FCRL6: variants seen among roughly 807,000 people sequenced by gnomAD.
The protein encoded by FCRL6 is Fc receptor like 6, also known as Fc receptor-like protein 6.
In FCRL6, 50 loss-of-function variants were observed where a neutral mutation model predicts 49.1. That is an observed-to-expected ratio of 1.02 (90% CI 0.81 to 1.29). The LOEUF (loss-of-function observed/expected upper bound fraction) is 1.29, where lower values mean the gene tolerates loss of function less well. Ranked by LOEUF, FCRL6 falls within the 50% of genes most tolerant of loss-of-function variation. FCRL6 has a pLI of 0.00. For missense variants in FCRL6, 571 were observed against 518.5 expected, an observed-to-expected ratio of 1.10 and a Z score of -0.98; for synonymous variants, 213 against 199.6, an observed-to-expected ratio of 1.07 and a Z score of -0.57.
chr1:159,809,459 G>A lies in FCRL6; in HGVS notation c.662G>A (p.Gly221Glu), dbSNP rs774886413. The A allele has an allele frequency of 2.4e-5, 38 of 1,613,922 alleles. No individual in the cohort carries two copies. Among genetic ancestry groups the A allele is most frequent in the Non-Finnish European group, 3.2e-5 (38 of 1,179,846 alleles). The change falls in exon 5 of 10, where the codon GGG becomes GAG. Residue 221 changes from glycine (G) to glutamate (E), a missense_variant. Transcript: ENST00000368106. ...CACGGGCCTGCTGACCCTGCTGTGG[G>A]GGACATGGTGCAGCTCCTCTGTGAG... is the stretch of plus-strand genomic sequence containing the variant. The part of the protein sequence containing the change: ...LHHGPADPAV[G>E]DMVQLLCEAQ...
rs1436919546 is a variant in FCRL6 at position 159,809,049 on chromosome 1, G to T, written c.408G>T (p.Leu136=). The change falls in exon 4 of 10, where the codon CTG becomes CTT. Residue 136 remains leucine, a synonymous_variant. Transcript: ENST00000368106. The part of the protein sequence containing the change: ...SLVTLRCQTK[L]HPLRSALRLL... Reference sequence around the variant, plus strand: ...TGACCCTGAGATGTCAGACAAAGCTGCACCCCCTGAGGTCAGCCTTGAGGC... The same window carrying T: ...TGACCCTGAGATGTCAGACAAAGCTTCACCCCCTGAGGTCAGCCTTGAGGC... 1.2e-6 allele frequency: 2 copies of T among 1,613,944 alleles called. No individual in the cohort carries two copies. The highest frequency in any genetic ancestry group is 1.7e-5 in the Admixed American group (1 of 59,990).
At chr1:159,814,075 C>A in intron 7 of FCRL6, 146 bp from the exon 8 acceptor site, 1 of 712,700 alleles carries the variant, frequency 1.4e-6, no homozygotes, top group Non-Finnish European at 2.4e-6. Flanking sequence ...GCCATGATGG[C>A]TATCCCCACA....
intron 7 of FCRL6, 132 bp downstream of exon 7, chr1:159,813,686 C>A (rs892305788): frequency 4.0e-5 from 31 of 770,402 alleles, no homozygotes; most frequent in African/African-American, 7.0e-5. Context: ...AAACAAACAG[C>A]TTCTAGAAAG....
chr1:159,804,618 T>C (rs11265282), intron 1 of FCRL6, among the ~76,000 whole-genome samples: 39,518 of 152,150 alleles, frequency 0.26, 6,230 homozygotes, highest in African/African-American at 0.45. Flanking sequence ...TGTTCCCAGT[T>C]GGCTGCTGTT....
At chr1:159,813,437 C>T (rs1350561354) in intron 6 of FCRL6, 52 bp from the exon 7 acceptor site, 2 of 1,508,266 alleles carry the variant, frequency 1.3e-6, no homozygotes, top group African/African-American at 2.7e-5. Flanking sequence ...TGTCCCCTGT[C>T]CCACCTGCCC....
intron 7 of FCRL6, 101 bp downstream of exon 7, chr1:159,813,655 T>C (rs899777032): frequency 1.9e-6 from 2 of 1,030,824 alleles, no homozygotes; most frequent in African/African-American, 1.6e-5. Flanking sequence ...ATCTCAGGAA[T>C]TGGAGTGATC....
At position 159,815,757 on chromosome 1, in the gene FCRL6, T is replaced by C; in HGVS notation, c.*96T>C. 6.7e-7 allele frequency: 1 copy of C among 1,485,674 alleles called. No individual in the cohort carries two copies. The highest frequency in any genetic ancestry group is 2.3e-5 in the East Asian group (1 of 43,822). 92.0% of individuals were successfully genotyped at this position (1,485,674 alleles called of 1,614,324 possible). ...TCAACTCTTTCTGTGGGTCCTTCAGTTCCCAAGCCCAGCATCACAGAGCCC... is the reference window on the plus strand; with the variant it reads ...TCAACTCTTTCTGTGGGTCCTTCAGCTCCCAAGCCCAGCATCACAGAGCCC... On this transcript the variant is annotated 3_prime_UTR_variant, in exon 10 of 10. Coordinates refer to ENST00000368106, the MANE Select transcript of FCRL6 (RefSeq NM_001004310.3).
chr1:159,811,315 A>G (rs747664626), intron 6 of FCRL6, among the ~76,000 whole-genome samples: 4 of 152,184 alleles, frequency 2.6e-5, no homozygotes, highest in Non-Finnish European at 4.4e-5. Context: ...CAGAGGTTCA[A>G]ATCAACCCCA....
chr1:159,812,177 A>G (rs1349992535), intron 6 of FCRL6, among the ~76,000 whole-genome samples: 1 of 152,166 alleles, frequency 6.6e-6, no homozygotes, highest in Non-Finnish European at 1.5e-5. Context: ...TGGTGATCTT[A>G]ATATCTCAGA....
intron 7 of FCRL6, among the ~76,000 whole-genome samples, chr1:159,813,769 C>T (rs58240276): frequency 0.24 from 36,308 of 152,060 alleles, 4,866 homozygotes; most frequent in African/African-American, 0.36. Flanking sequence ...CTGCAGGAGA[C>T]GGGGCAGGGA....
chr1:159,815,527 C>G lies in FCRL6; in HGVS notation c.1180-9C>G. On this transcript the variant is annotated splice_polypyrimidine_tract_variant and intron_variant, in intron 9 of 9. Transcript: ENST00000368106. The stretch of plus-strand genomic sequence containing the variant: ...TTTGCTTCCTCATCCTGAGCCAACT[C>G]TTCCACAGGACAGTTCTATCATCTG... 8 of 1,614,206 alleles carry G rather than the reference C, an allele frequency of 5.0e-6. No individual in the cohort carries two copies. The highest frequency in any genetic ancestry group is 6.8e-6 in the Non-Finnish European group (8 of 1,180,012).
Position 159,809,690 on chromosome 1 carries a change from T to G in FCRL6, c.886+7T>G, listed in dbSNP as rs760273388. The G allele has an allele frequency of 3.1e-6, 5 of 1,612,646 alleles. No individual in the cohort carries two copies. Among genetic ancestry groups the G allele is most frequent in the Middle Eastern group, 1.6e-4 (1 of 6,078 alleles). On this transcript the variant is annotated splice_region_variant and intron_variant, in intron 5 of 9. Transcript: ENST00000368106. ...AAGAAGCTGTCTCTGAAGGGTGTGT[T>G]TTGTTCTCCAACAGAGCTTTGAGCC...
intron 6 of FCRL6, among the ~76,000 whole-genome samples, chr1:159,811,066 T>C (rs1047088628): frequency 1.3e-4 from 20 of 152,222 alleles, no homozygotes; most frequent in African/African-American, 4.8e-4. Flanking sequence ...AAAATTCTGA[T>C]GTAGAGGAAA....
At position 159,809,625 on chromosome 1, in the gene FCRL6, C is replaced by T. The variant is rs375081932; in HGVS notation, c.828C>T (p.Cys276=). 402 of 1,614,182 alleles carry T rather than the reference C, an allele frequency of 2.5e-4. No homozygotes were observed. Among genetic ancestry groups the T allele is most frequent in the East Asian group, 8.0e-4 (36 of 44,862 alleles). Residue 276 remains cysteine (C), a synonymous_variant, in exon 5 of 10, where the codon TGC becomes TGT. Coordinates refer to ENST00000368106, the MANE Select transcript of FCRL6 (RefSeq NM_001004310.3). The part of the protein sequence containing the change: ...KSEQDAGNYS[C]EAENSVSRER... ...AACAGGATGCTGGGAACTACTCCTG[C>T]GAGGCTGAGAACAGTGTCTCCAGAG...
chr1:159,809,313 T>G (rs1179510625), intron 4 of FCRL6, 68 bp downstream of exon 4: 16 of 1,527,342 alleles, frequency 1.0e-5, no homozygotes, highest in African/African-American at 6.9e-5. Context: ...CCCCTGGGAC[T>G]AAAGGAGTTG....
At chr1:159,807,539 T>A (rs184441110) in intron 2 of FCRL6, among the ~76,000 whole-genome samples, 1 of 152,160 alleles carries the variant, frequency 6.6e-6, no homozygotes, top group Non-Finnish European at 1.5e-5. Flanking sequence ...AGAGAACAGA[T>A]CCCTTCCATA....
At position 159,809,990 on chromosome 1, in the gene FCRL6, G is replaced by A. The variant is rs973261498; in HGVS notation, c.887-104G>A. Reference sequence around the variant, plus strand: ...TCTATGAGGCTCCCCCAGGCCAGACGGTTCCCCTAATATCAGTCATTCTGC... The same window carrying A: ...TCTATGAGGCTCCCCCAGGCCAGACAGTTCCCCTAATATCAGTCATTCTGC... On this transcript the variant is annotated intron_variant, in intron 5 of 9. Coordinates refer to ENST00000368106, the MANE Select transcript of FCRL6 (RefSeq NM_001004310.3). 1.3e-5 allele frequency: 18 copies of A among 1,401,726 alleles called. No individual in the cohort carries two copies. In the African/African-American group the frequency reaches 1.4e-4, roughly 11 times the overall value. The allele number at this position is 1,401,726 out of a possible 1,614,324, so 86.8% of individuals were successfully genotyped here.
intron 6 of FCRL6, among the ~76,000 whole-genome samples, chr1:159,810,451 AC>A (rs1173216560): frequency 6.6e-6 from 1 of 152,234 alleles, no homozygotes; most frequent in Non-Finnish European, 1.5e-5. Flanking sequence ...AGAGATGCAC[AC>A]AAACACACAA....
chr1:159,800,751 C>A, upstream of FCRL6: 1 of 728,584 alleles, frequency 1.4e-6, no homozygotes, highest in South Asian at 1.7e-5. Context: ...CAATCTAGGG[C>A]AAGAAAACTT....
Sources: gnomAD v4.1 joint callset for allele counts (sites outside exome capture counted in the v4.1 genomes callset) on GRCh38, gnomAD v4.1.1 for gene constraint, MANE v1.5 for transcripts, NCBI Gene and HGNC (gene_info 2026-07-23, HGNC 2026-07-21) for gene names.